CIB4: variants seen among roughly 807,000 people sequenced by gnomAD.
CIB4 encodes calcium and integrin binding family member 4, also known as calcium and integrin-binding family member 4.
In CIB4, 25 loss-of-function variants were observed where a neutral mutation model predicts 25.8. The ratio of observed to expected loss-of-function variants is 0.97; its 90% CI spans 0.71 to 1.35. The LOEUF is 1.35. CIB4 is among the 40% of genes most tolerant of loss of function. The pLI, the probability that CIB4 is intolerant of heterozygous loss-of-function variation, is 0.00. For missense variants in CIB4, 235 were observed against 228.2 expected, an observed-to-expected ratio of 1.03 and a Z score of -0.19; for synonymous variants, 75 against 81.4, an observed-to-expected ratio of 0.92 and a Z score of 0.42.
chr2:26,603,453 A>T (rs1668831904), intron 3 of CIB4, among the ~76,000 whole-genome samples: 1 of 152,204 alleles, frequency 6.6e-6, no homozygotes, highest in Admixed American at 6.5e-5. Flanking sequence ...TATACCTTTC[A>T]CCCAGCTTTC....
chr2:26,603,629 A>G (rs1668834780), intron 3 of CIB4, among the ~76,000 whole-genome samples: 1 of 152,220 alleles, frequency 6.6e-6, no homozygotes, highest in South Asian at 2.1e-4. Context: ...TACAAAATTT[A>G]CAGTGTTTAG....
At chr2:26,598,600 CA>C (rs1446271865) in intron 3 of CIB4, among the ~76,000 whole-genome samples, 3 of 152,164 alleles carry the variant, frequency 2.0e-5, no homozygotes, top group Non-Finnish European at 4.4e-5. Context: ...CCGAGCTCAC[CA>C]GAGCTGCGAT....
rs184360718 is a variant in CIB4 at position 26,619,093 on chromosome 2, C to T, written c.186+10317G>A. The stretch of plus-strand genomic sequence containing the variant: ...ACAACCCGCAGTAAAGGCATAGTCA[C>T]TTCTTATGGGGTGATGGATGAGAAC... On this transcript the variant is annotated intron_variant, in intron 3 of 6. Transcript: ENST00000288861. Among the ~76,000 whole-genome samples the T allele has an allele frequency of 6.9e-4, 105 of 152,362 alleles. 1 individual carries two copies. Among genetic ancestry groups the T allele is most frequent in the African/African-American group, 2.4e-3 (98 of 41,576 alleles).
intron 2 of CIB4, among the ~76,000 whole-genome samples, chr2:26,633,312 G>A (rs1210703875): frequency 6.6e-6 from 1 of 152,232 alleles, no homozygotes; most frequent in East Asian, 1.9e-4. Context: ...ACAACTCTCT[G>A]TGGGAGAAGT....
intron 2 of CIB4, among the ~76,000 whole-genome samples, chr2:26,632,757 CAAAA>C (rs58312058): frequency 1.7e-5 from 2 of 120,136 alleles, no homozygotes; most frequent in African/African-American, 3.2e-5. Context: ...GACTCCATCT[CAAAA>C]AAAAAAAAAA....
chr2:26,634,923 T>A (rs893698565), intron 2 of CIB4, among the ~76,000 whole-genome samples: 2 of 152,250 alleles, frequency 1.3e-5, no homozygotes, highest in Admixed American at 1.3e-4. Flanking sequence ...GAGCTCGGGC[T>A]GAGCCAGGCT....
intron 2 of CIB4, among the ~76,000 whole-genome samples, chr2:26,637,141 C>G (rs1669547797): frequency 6.6e-6 from 1 of 152,142 alleles, no homozygotes; most frequent in Admixed American, 6.5e-5. Context: ...TGGGGCAGGG[C>G]AGGGGTGCCA....
At chr2:26,595,118 A>T in intron 4 of CIB4, 58 bp downstream of exon 4, 1 of 1,525,012 alleles carries the variant, frequency 6.6e-7, no homozygotes, top group Non-Finnish European at 9.0e-7. Flanking sequence ...GAGTCCAGAT[A>T]CGGTATGTTC....
chr2:26,582,451 C>A (rs1208748849), intron 6 of CIB4, among the ~76,000 whole-genome samples: 2 of 152,202 alleles, frequency 1.3e-5, no homozygotes, highest in Non-Finnish European at 2.9e-5. Context: ...CCACCACCAG[C>A]ATCTTCAGAT....
At chr2:26,593,305 T>G (rs961053559) in intron 4 of CIB4, among the ~76,000 whole-genome samples, 4 of 147,748 alleles carry the variant, frequency 2.7e-5, no homozygotes, top group South Asian at 2.1e-4. Flanking sequence ...TATGTAGAGA[T>G]ATGTGTGTGT....
At chr2:26,609,937 G>A (rs1473560284) in intron 3 of CIB4, among the ~76,000 whole-genome samples, 1 of 152,182 alleles carries the variant, frequency 6.6e-6, no homozygotes, top group Non-Finnish European at 1.5e-5. Flanking sequence ...GTAACTAACA[G>A]GATGAAGTCA....
chr2:26,620,312 G>A (rs1308993624), intron 3 of CIB4, among the ~76,000 whole-genome samples: 1 of 152,232 alleles, frequency 6.6e-6, no homozygotes, highest in Non-Finnish European at 1.5e-5. Flanking sequence ...GGAAATAGAG[G>A]CTGGCTGAAA....
intron 4 of CIB4, among the ~76,000 whole-genome samples, chr2:26,588,449 CCTT>C (rs1668497087): frequency 6.6e-6 from 1 of 152,196 alleles, no homozygotes; most frequent in African/African-American, 2.4e-5. Flanking sequence ...GGGGCTAGAG[CCTT>C]CTTCTTGCTG....
intron 3 of CIB4, among the ~76,000 whole-genome samples, chr2:26,599,158 C>T (rs1051232276): frequency 6.6e-6 from 1 of 152,168 alleles, no homozygotes; most frequent in Non-Finnish European, 1.5e-5. Context: ...CAAAGCAATG[C>T]TTCCATTTCA....
At chr2:26,595,402 T>C in intron 3 of CIB4, 85 bp from the exon 4 acceptor site, 2 of 1,442,960 alleles carry the variant, frequency 1.4e-6, no homozygotes, top group Non-Finnish European at 1.9e-6. Context: ...TTACAAACAC[T>C]GTGTCCTGGG....
intron 3 of CIB4, among the ~76,000 whole-genome samples, chr2:26,608,950 C>G (rs770731022): frequency 6.6e-6 from 1 of 152,188 alleles, no homozygotes; most frequent in Non-Finnish European, 1.5e-5. Flanking sequence ...GCAAGCCTGT[C>G]CTTTAACTGG....
chr2:26,640,243 C>T (rs938297588), intron 2 of CIB4, among the ~76,000 whole-genome samples: 7 of 152,228 alleles, frequency 4.6e-5, no homozygotes, highest in Non-Finnish European at 1.0e-4. Context: ...CCTCATTATT[C>T]CAAAGAGGTT....
At chr2:26,599,177 A>G (rs999116979) in intron 3 of CIB4, among the ~76,000 whole-genome samples, 3 of 152,208 alleles carry the variant, frequency 2.0e-5, no homozygotes, top group African/African-American at 7.2e-5. Flanking sequence ...CAAGAATAAC[A>G]TGTACCCTGG....
At chr2:26,636,635 C>G (rs527891969) in intron 2 of CIB4, among the ~76,000 whole-genome samples, 3 of 152,090 alleles carry the variant, frequency 2.0e-5, no homozygotes, top group Admixed American at 6.6e-5. Flanking sequence ...TTGGTTTACT[C>G]GCTAGTTTTA....
Sources: allele counts gnomAD v4.1 joint callset (sites outside exome capture counted in the v4.1 genomes callset), GRCh38; gene constraint gnomAD v4.1.1; transcripts MANE v1.5; gene names NCBI Gene and HGNC (gene_info 2026-07-23, HGNC 2026-07-21).